NBAS: variants seen among roughly 807,000 people sequenced by gnomAD.
The protein encoded by NBAS is NAG/BC035112 fusion.
A neutral mutation model predicts 302.5 loss-of-function variants in NBAS; 219 were observed. The observed-to-expected ratio is 0.72, with a 90% CI of 0.65 to 0.81. The LOEUF (loss-of-function observed/expected upper bound fraction) is 0.81, where lower values mean the gene tolerates loss of function less well. NBAS is among the 30% of genes least tolerant of loss of function. The pLI is 0.00. For synonymous variants in NBAS, 1,118 were observed against 1,021.6 expected (o/e 1.09, Z -1.80); for missense variants, 2,932 against 2,841.6 (o/e 1.03, Z -0.72).
At chr2:15,106,023 T>C in the NBAS span, among the ~76,000 whole-genome samples, 3 of 152,260 alleles carry the variant, frequency 2.0e-5, no homozygotes, top group African/African-American at 4.8e-5. Context: ...TGTAATCTAA[T>C]GAGATGGCTT....
intron 11 of NBAS, among the ~76,000 whole-genome samples, chr2:15,495,295 C>T (rs558843140): frequency 6.6e-6 from 1 of 152,192 alleles, no homozygotes; most frequent in Non-Finnish European, 1.5e-5. Context: ...GGCACTACCA[C>T]CTATACAGTT....
the NBAS span, among the ~76,000 whole-genome samples, chr2:14,862,386 G>C: frequency 6.6e-6 from 1 of 152,038 alleles, no homozygotes; most frequent in Admixed American, 6.5e-5. Flanking sequence ...CAAAGTGCTG[G>C]GATTACAAGC....
the NBAS span, among the ~76,000 whole-genome samples, chr2:14,848,061 T>C: frequency 8.6e-5 from 13 of 151,352 alleles, no homozygotes; most frequent in Non-Finnish European, 4.4e-5. Flanking sequence ...AAGAAGAAAA[T>C]TGAGGGGGAG....
At chr2:15,023,836 CACTAATATTT>C in the NBAS span, among the ~76,000 whole-genome samples, 1 of 151,570 alleles carries the variant, frequency 6.6e-6, no homozygotes, top group Non-Finnish European at 1.5e-5. Context: ...TCATTTTTAT[CACTAATATTT>C]TCAAAGCAAT....
the NBAS span, among the ~76,000 whole-genome samples, chr2:14,914,529 C>T: frequency 1.3e-5 from 2 of 152,096 alleles, no homozygotes; most frequent in Admixed American, 1.3e-4. Context: ...GAAACTGTGC[C>T]CAGCCCCTTG....
intron 23 of NBAS, among the ~76,000 whole-genome samples, chr2:15,421,497 C>G (rs1677210661): frequency 6.6e-6 from 1 of 151,884 alleles, no homozygotes; most frequent in Non-Finnish European, 1.5e-5. Context: ...TCGCTAAAGG[C>G]ACTAGGGAAA....
In NBAS at chr2:15,275,413, C is replaced by T; in HGVS notation, c.5724+71G>A. The T allele has an allele frequency of 4.2e-6, 6 of 1,441,536 alleles. No homozygotes were observed. The South Asian group carries it at 6.4e-5, about 15-fold the overall frequency. 89.3% of individuals were successfully genotyped at this position (1,441,536 alleles called of 1,614,324 possible). On this transcript the variant is annotated intron_variant, in intron 44 of 51. Coordinates refer to ENST00000281513, the MANE Select transcript of NBAS (RefSeq NM_015909.4). Reference sequence around the variant, plus strand: ...TCAAGAAAGGAAACAAAAATAAAATCTACAGAATGTAGGAGAAATTTTCAT... The same window carrying T: ...TCAAGAAAGGAAACAAAAATAAAATTTACAGAATGTAGGAGAAATTTTCAT...
At chr2:14,997,100 T>C in the NBAS span, among the ~76,000 whole-genome samples, 2 of 151,830 alleles carry the variant, frequency 1.3e-5, no homozygotes, top group Non-Finnish European at 2.9e-5. Context: ...CGGAGCTCCA[T>C]GATGAGAACT....
At chr2:15,218,337 G>GAT (rs35934155) in intron 48 of NBAS, among the ~76,000 whole-genome samples, 44,608 of 152,076 alleles carry the variant, frequency 0.29, 6,921 homozygotes, top group African/African-American at 0.39. Flanking sequence ...ATAGCTGATT[G>GAT]ATATATATAC....
rs527919097 is a variant in NBAS, at chr2:15,168,132, C to T, written c.6841-809G>A. Among the ~76,000 whole-genome samples the T allele has an allele frequency of 1.8e-4, 27 of 152,212 alleles. No homozygotes were observed. In the South Asian group the frequency reaches 3.1e-3, roughly 18 times the overall value. On this transcript the variant is annotated intron_variant, in intron 51 of 51. Coordinates refer to ENST00000281513, the MANE Select transcript of NBAS (RefSeq NM_015909.4). ...CCACACTGATCATATTATCAAAATT[C>T]GGAGCTTCTCACTTACATTGGGGTA...
the NBAS span, among the ~76,000 whole-genome samples, chr2:14,864,811 G>C: frequency 8.0e-4 from 122 of 152,284 alleles, no homozygotes; most frequent in African/African-American, 2.6e-3. Flanking sequence ...TTCCAGGGTT[G>C]ATGAAAGAAT....
chr2:15,266,684 T>C (rs979576209), intron 44 of NBAS, among the ~76,000 whole-genome samples: 7 of 152,308 alleles, frequency 4.6e-5, no homozygotes, highest in African/African-American at 1.7e-4. Flanking sequence ...CAGTGTTTGT[T>C]GGTTTCCCCT....
chr2:15,324,701 G>A (rs1318076534), intron 38 of NBAS, among the ~76,000 whole-genome samples: 3 of 152,158 alleles, frequency 2.0e-5, no homozygotes, highest in Non-Finnish European at 4.4e-5. Context: ...AAGTTCCTAG[G>A]ACAGGGCTAG....
chr2:14,793,388 T>A, the NBAS span, among the ~76,000 whole-genome samples: 287 of 152,150 alleles, frequency 1.9e-3, 2 homozygotes, highest in African/African-American at 6.7e-3. Flanking sequence ...ATAAAAATAA[T>A]CAAATGAATA....
chr2:14,810,321 G>A, the NBAS span, among the ~76,000 whole-genome samples: 2 of 152,294 alleles, frequency 1.3e-5, no homozygotes, highest in African/African-American at 4.8e-5. Context: ...AAGGAACCTG[G>A]TGGGATGTAA....
the NBAS span, among the ~76,000 whole-genome samples, chr2:14,788,808 G>A: frequency 1.3e-5 from 2 of 152,346 alleles, no homozygotes; most frequent in Admixed American, 1.3e-4. Flanking sequence ...GAGGCAGTCT[G>A]CCCTTTCTCA....
At chr2:15,542,233 C>A (rs1467002132) in intron 6 of NBAS, among the ~76,000 whole-genome samples, 1 of 87,646 alleles carries the variant, frequency 1.1e-5, no homozygotes, top group Non-Finnish European at 2.6e-5. Context: ...GTTGCCGTGT[C>A]TGTGTAGAAA....
At chr2:15,111,906 A>C in the NBAS span, among the ~76,000 whole-genome samples, 2 of 147,678 alleles carry the variant, frequency 1.4e-5, no homozygotes, top group African/African-American at 4.9e-5. Context: ...ATTATATATT[A>C]TATTAATTAA....
the NBAS span, among the ~76,000 whole-genome samples, chr2:14,831,293 A>T: frequency 6.6e-6 from 1 of 152,220 alleles, no homozygotes; most frequent in Non-Finnish European, 1.5e-5. Flanking sequence ...TAATGGACAG[A>T]AACTTCCTGT....
Sources: gnomAD v4.1 joint callset for allele counts (sites outside exome capture counted in the v4.1 genomes callset) on GRCh38, gnomAD v4.1.1 for gene constraint, MANE v1.5 for transcripts, NCBI Gene and HGNC (gene_info 2026-07-23, HGNC 2026-07-21) for gene names.